Variants in DPP10 observed in about 807,000 individuals in gnomAD.
DPP10 encodes the protein dipeptidyl peptidase like 10.
Under a neutral mutation model 120.9 loss-of-function variants are expected in DPP10, and 33 were observed. The observed-to-expected ratio is 0.27, with a 90% CI of 0.21 to 0.37. The LOEUF is 0.37. Among genes scored for constraint, DPP10 ranks in the 10% least tolerant of loss-of-function variants. The probability of loss-of-function intolerance (pLI) is 1.00; values close to 1 mark genes in which losing one functional copy is unlikely to be tolerated. For missense variants in DPP10, 816 were observed against 942.8 expected (o/e 0.87, Z 1.76); for synonymous variants, 337 against 326.1 (o/e 1.03, Z -0.36).
chr2:115,686,068 G>A (rs1030165581), intron 5 of DPP10, among the ~76,000 whole-genome samples: 1 of 152,024 alleles, frequency 6.6e-6, no homozygotes, highest in African/African-American at 2.4e-5. Flanking sequence ...GTTGAACGAG[G>A]TGACACTGTG....
In DPP10 at chr2:115,572,580, CAG is replaced by C. The variant is rs781477683; in HGVS notation, c.441+46611_441+46612del. ...TCTACTCTATGTATATACTTACAAA[CAG>C]AGCACAAGCATGAGATTCTTAAAAT... On this transcript the variant is annotated intron_variant, in intron 5 of 25. Transcript: ENST00000410059. Among the ~76,000 whole-genome samples the C allele has an allele frequency of 1.3e-4, 20 of 152,170 alleles. No individual in the cohort carries two copies. In the East Asian group the frequency reaches 3.3e-3, roughly 25 times the overall value.
At chr2:115,112,317 A>G (rs1224048654) in intron 1 of DPP10, among the ~76,000 whole-genome samples, 1 of 152,080 alleles carries the variant, frequency 6.6e-6, no homozygotes, top group African/African-American at 2.4e-5. Context: ...ATCCTTAGGT[A>G]TATTCATTTT....
chr2:115,182,671 A>T (rs1364656952), intron 1 of DPP10, among the ~76,000 whole-genome samples: 1 of 152,162 alleles, frequency 6.6e-6, no homozygotes, highest in Admixed American at 6.5e-5. Flanking sequence ...AACCCTAGTC[A>T]TGACAAGTTT....
At chr2:114,784,458 C>T (rs577908830) in intron 1 of DPP10, among the ~76,000 whole-genome samples, 1 of 152,156 alleles carries the variant, frequency 6.6e-6, no homozygotes, top group South Asian at 2.1e-4. Context: ...GTATGCATGC[C>T]CCTGTCTGAT....
At chr2:115,183,123 T>C (rs1384773399) in intron 1 of DPP10, among the ~76,000 whole-genome samples, 3 of 152,204 alleles carry the variant, frequency 2.0e-5, no homozygotes, top group African/African-American at 7.2e-5. Flanking sequence ...ATAAGCCTTG[T>C]AGAACTAATT....
chr2:115,743,429 C>A (rs1034069447), intron 9 of DPP10, among the ~76,000 whole-genome samples: 1 of 152,186 alleles, frequency 6.6e-6, no homozygotes, highest in East Asian at 1.9e-4. Flanking sequence ...ATAACTGATA[C>A]GTCTTTAAGA....
chr2:114,489,894 G>A (rs1350633474), intron 1 of DPP10, among the ~76,000 whole-genome samples: 2 of 152,192 alleles, frequency 1.3e-5, no homozygotes, highest in Non-Finnish European at 2.9e-5. Flanking sequence ...CAGAGAGTTA[G>A]TTCTCTCAAC....
At position 114,713,993 on chromosome 2, in the gene DPP10, A is replaced by G. The variant is rs1701194267; in HGVS notation, c.60+271155A>G. On this transcript the variant is annotated intron_variant, in intron 1 of 25. Transcript: ENST00000410059. Reference sequence around the variant, plus strand: ...GAGAGAATCCGTCTCAAAAAAAAAAAAGAAAAAAATAAAATAATAAATAAA... The same window carrying G: ...GAGAGAATCCGTCTCAAAAAAAAAAGAGAAAAAAATAAAATAATAAATAAA... Among the ~76,000 whole-genome samples the G allele has an allele frequency of 4.1e-5, 6 of 147,872 alleles. No individual in the cohort carries two copies. The South Asian group carries it at 1.3e-3, about 31-fold the overall frequency.
At chr2:115,761,079 AAAGC>A (rs1680056689) in intron 11 of DPP10, among the ~76,000 whole-genome samples, 1 of 144,592 alleles carries the variant, frequency 6.9e-6, no homozygotes, top group South Asian at 2.3e-4. Context: ...CCTGGGCAAC[AAAGC>A]AAGACTTTGT....
intron 1 of DPP10, among the ~76,000 whole-genome samples, chr2:114,518,247 T>G (rs1684768024): frequency 6.6e-6 from 1 of 151,928 alleles, no homozygotes; most frequent in African/African-American, 2.4e-5. Context: ...CTGGCTAATT[T>G]TTGTGTTTTT....
At chr2:115,652,635 G>A (rs2087902266) in intron 5 of DPP10, among the ~76,000 whole-genome samples, 1 of 151,862 alleles carries the variant, frequency 6.6e-6, no homozygotes. Flanking sequence ...GAAAGACAAT[G>A]ATTTAAGTTT....
intron 1 of DPP10, among the ~76,000 whole-genome samples, chr2:115,032,699 G>A (rs1703921352): frequency 6.6e-6 from 1 of 151,776 alleles, no homozygotes; most frequent in South Asian, 2.1e-4. Flanking sequence ...TGGCCAACAT[G>A]GCGAAACCCG....
chr2:114,554,194 C>A (rs1225707337), intron 1 of DPP10, among the ~76,000 whole-genome samples: 3 of 152,214 alleles, frequency 2.0e-5, no homozygotes, highest in African/African-American at 7.2e-5. Flanking sequence ...CCCACCCCAG[C>A]CCCTAGTAAC....
chr2:115,445,793 A>C (rs1045280970), intron 3 of DPP10, among the ~76,000 whole-genome samples: 3 of 152,202 alleles, frequency 2.0e-5, no homozygotes, highest in Non-Finnish European at 4.4e-5. Context: ...TGAGGAGCTG[A>C]ATGTTAATAG....
intron 1 of DPP10, among the ~76,000 whole-genome samples, chr2:115,158,340 A>G (rs1407078329): frequency 6.6e-6 from 1 of 152,196 alleles, no homozygotes; most frequent in Non-Finnish European, 1.5e-5. Flanking sequence ...TACTGCATTG[A>G]CTTCCTGTTT....
intron 5 of DPP10, among the ~76,000 whole-genome samples, chr2:115,669,089 G>T (rs572888110): frequency 1.4e-3 from 206 of 152,110 alleles, no homozygotes; most frequent in African/African-American, 4.8e-3. Flanking sequence ...AAAAGGATCT[G>T]GTTTCTTAGA....
At chr2:115,406,355 T>G (rs1218740414) in intron 3 of DPP10, among the ~76,000 whole-genome samples, 1 of 152,234 alleles carries the variant, frequency 6.6e-6, no homozygotes, top group African/African-American at 2.4e-5. Flanking sequence ...CTAAGAAGTT[T>G]TAAACATTTT....
intron 1 of DPP10, among the ~76,000 whole-genome samples, chr2:115,082,963 T>C (rs923128512): frequency 3.9e-5 from 6 of 152,232 alleles, no homozygotes; most frequent in Admixed American, 6.5e-5. Flanking sequence ...TAAATCTCTC[T>C]CAGTTATCAA....
At chr2:115,039,363 A>G (rs10184026) in intron 1 of DPP10, among the ~76,000 whole-genome samples, 1 of 152,238 alleles carries the variant, frequency 6.6e-6, no homozygotes, top group South Asian at 2.1e-4. Flanking sequence ...ATTGTCAAAC[A>G]TAGTGAAATC....
Sources: allele counts gnomAD v4.1 joint callset (sites outside exome capture counted in the v4.1 genomes callset), GRCh38; gene constraint gnomAD v4.1.1; transcripts MANE v1.5; gene names NCBI Gene and HGNC (gene_info 2026-07-23, HGNC 2026-07-21).